Variants in SLC9C1 observed in about 807,000 individuals in gnomAD.
SLC9C1 encodes the protein sodium/hydrogen exchanger 10.
Under a neutral mutation model 140.9 loss-of-function variants are expected in SLC9C1, and 97 were observed. That is an observed-to-expected ratio of 0.69 (90% confidence interval 0.58 to 0.82). The LOEUF (loss-of-function observed/expected upper bound fraction) is 0.82. Ranked by LOEUF, SLC9C1 falls within the 40% of genes least tolerant of loss-of-function variation. SLC9C1 has a pLI of 0.00. For synonymous variants in SLC9C1, 440 were observed against 442.6 expected, an observed-to-expected ratio of 0.99 and a Z score of 0.07; for missense variants, 1,340 against 1,389.3, an observed-to-expected ratio of 0.96 and a Z score of 0.56.
chr3:112,142,826 C>T (rs1173924696), intron 28 of SLC9C1, among the ~76,000 whole-genome samples: 1 of 151,980 alleles, frequency 6.6e-6, no homozygotes, highest in African/African-American at 2.4e-5. Flanking sequence ...CAAATGATTC[C>T]ATCACCCAGG....
intron 27 of SLC9C1, among the ~76,000 whole-genome samples, chr3:112,153,084 A>G (rs995719902): frequency 1.3e-5 from 2 of 152,180 alleles, no homozygotes; most frequent in Non-Finnish European, 2.9e-5. Flanking sequence ...GATCCTGGGA[A>G]GAGAACTGAC....
chr3:112,180,784 G>C, intron 21 of SLC9C1, 122 bp from the exon 22 acceptor site: 2 of 737,930 alleles, frequency 2.7e-6, no homozygotes, highest in Admixed American at 5.7e-5. Context: ...CACCCATACT[G>C]GAGTGCAGTG....
chr3:112,271,835 T>G (rs570350902), intron 6 of SLC9C1, among the ~76,000 whole-genome samples: 2 of 152,280 alleles, frequency 1.3e-5, no homozygotes, highest in South Asian at 4.1e-4. Context: ...CTTCCTTATT[T>G]TTGAGCATTT....
chr3:112,266,095 T>C (rs533073644), intron 8 of SLC9C1, 143 bp downstream of exon 8: 1 of 609,554 alleles, frequency 1.6e-6, no homozygotes, highest in Admixed American at 3.7e-5. Context: ...CAAGAAAAAA[T>C]AAAATCTAGG....
chr3:112,258,392 T>C (rs2079671457), intron 10 of SLC9C1, among the ~76,000 whole-genome samples: 1 of 139,072 alleles, frequency 7.2e-6, no homozygotes, highest in African/African-American at 2.5e-5. Context: ...TACCTGAGAT[T>C]TGGGTGGGTT....
At position 112,237,115 on chromosome 3, in the gene SLC9C1, T is replaced by C. The variant is rs534710731; in HGVS notation, c.1446+2725A>G. Among the ~76,000 whole-genome samples the C allele has an allele frequency of 2.0e-5, 3 of 152,304 alleles. No individual in the cohort carries two copies. The South Asian group carries it at 6.2e-4, about 32-fold the overall frequency. On this transcript the variant is annotated intron_variant, in intron 12 of 28. Transcript: ENST00000305815. The stretch of plus-strand genomic sequence containing the variant: ...GTGGGAGTCTAAGTCTCTTTGTAGG[T>C]CTCTAAGGAGTTGCTTTATGAATCT...
intron 26 of SLC9C1, among the ~76,000 whole-genome samples, chr3:112,164,822 C>T (rs62277466): frequency 6.6e-6 from 1 of 151,962 alleles, no homozygotes; most frequent in African/African-American, 2.4e-5. Context: ...GTTGGCTGCC[C>T]TGCTAGATTG....
chr3:112,175,273 T>TA (rs1336057925), intron 23 of SLC9C1, among the ~76,000 whole-genome samples: 1 of 152,114 alleles, frequency 6.6e-6, no homozygotes, highest in African/African-American at 2.4e-5. Context: ...AAGGTAACAA[T>TA]GAGTGGAGGG....
chr3:112,159,388 T>C (rs1352810069), intron 26 of SLC9C1, among the ~76,000 whole-genome samples: 2 of 152,016 alleles, frequency 1.3e-5, no homozygotes, highest in Non-Finnish European at 2.9e-5. Context: ...CCTCCTCTGA[T>C]TGATTTCTAG....
At chr3:112,262,163 G>A (rs925585178) in intron 10 of SLC9C1, among the ~76,000 whole-genome samples, 15 of 152,000 alleles carry the variant, frequency 9.9e-5, no homozygotes, top group African/African-American at 2.7e-4. Context: ...AAGGTTAGCC[G>A]TCACACTGAT....
At chr3:112,239,092 C>A (rs1265113562) in intron 12 of SLC9C1, among the ~76,000 whole-genome samples, 2 of 152,230 alleles carry the variant, frequency 1.3e-5, no homozygotes, top group African/African-American at 4.8e-5. Flanking sequence ...CCTTGAGCTG[C>A]AGTGGGCTCC....
At chr3:112,215,004 A>T (rs2078317566) in intron 15 of SLC9C1, among the ~76,000 whole-genome samples, 1 of 152,210 alleles carries the variant, frequency 6.6e-6, no homozygotes, top group Non-Finnish European at 1.5e-5. Flanking sequence ...CAAAAAGCTT[A>T]TCTACTATGA....
chr3:112,160,366 C>G (rs2075258335), intron 26 of SLC9C1, among the ~76,000 whole-genome samples: 1 of 151,100 alleles, frequency 6.6e-6, no homozygotes, highest in Admixed American at 6.6e-5. Context: ...GTGTGCTGCA[C>G]CCACTAACTT....
intron 15 of SLC9C1, among the ~76,000 whole-genome samples, chr3:112,212,053 T>G (rs1266579919): frequency 3.3e-5 from 5 of 152,224 alleles, no homozygotes; most frequent in African/African-American, 7.2e-5. Flanking sequence ...TTCAGCAATA[T>G]TCGCTGTTCT....
intron 10 of SLC9C1, among the ~76,000 whole-genome samples, chr3:112,253,753 C>T (rs536213501): frequency 5.9e-4 from 90 of 152,240 alleles, no homozygotes; most frequent in South Asian, 2.1e-3. Context: ...ACTAGTTCTC[C>T]GACATGGGTT....
At chr3:112,171,172 A>C (rs1303712725) in intron 23 of SLC9C1, among the ~76,000 whole-genome samples, 1 of 152,008 alleles carries the variant, frequency 6.6e-6, no homozygotes, top group Non-Finnish European at 1.5e-5. Context: ...TGAGATTGGG[A>C]GCCATTGCAC....
intron 2 of SLC9C1, among the ~76,000 whole-genome samples, chr3:112,286,302 A>T (rs2080506263): frequency 6.6e-6 from 1 of 152,144 alleles, no homozygotes; most frequent in Non-Finnish European, 1.5e-5. Flanking sequence ...TAGTGCAAAA[A>T]GTGTTTTCTT....
intron 20 of SLC9C1, among the ~76,000 whole-genome samples, chr3:112,191,354 G>A (rs2077657831): frequency 6.6e-6 from 1 of 152,102 alleles, no homozygotes; most frequent in South Asian, 2.1e-4. Flanking sequence ...TTATTGCGTT[G>A]AGATACATTC....
intron 20 of SLC9C1, chr3:112,185,792 G>A: frequency 1.3e-6 from 2 of 1,557,808 alleles, no homozygotes; most frequent in Non-Finnish European, 1.7e-6. Context: ...GGCTGCGAGA[G>A]GGCACCAGAC....
Sources: gnomAD v4.1 joint callset for allele counts (sites outside exome capture counted in the v4.1 genomes callset) on GRCh38, gnomAD v4.1.1 for gene constraint, MANE v1.5 for transcripts, NCBI Gene and HGNC (gene_info 2026-07-23, HGNC 2026-07-21) for gene names.